The following RNLS variants were observed in gnomAD, a reference collection of about 807,000 sequenced individuals.
The protein encoded by RNLS is renalase, FAD dependent amine oxidase, also known as renalase.
A neutral mutation model predicts 39.8 loss-of-function variants in RNLS; 39 were observed. The ratio of observed to expected loss-of-function variants is 0.98; its 90% confidence interval spans 0.76 to 1.28. The LOEUF (loss-of-function observed/expected upper bound fraction) is 1.28. Ranked by LOEUF, RNLS falls within the 50% of genes most tolerant of loss-of-function variation. The pLI, the probability that RNLS is intolerant of heterozygous loss-of-function variation, is 0.00. For synonymous variants in RNLS, 147 were observed against 150.7 expected (o/e 0.98, Z 0.18); for missense variants, 410 against 413.3 (o/e 0.99, Z 0.07).
intron 5 of RNLS, among the ~76,000 whole-genome samples, chr10:88,347,181 G>A (rs1564714933): frequency 6.6e-6 from 1 of 152,146 alleles, no homozygotes; most frequent in Non-Finnish European, 1.5e-5. Context: ...GTTTTGAGAT[G>A]CCTCCAGAAT....
intron 4 of RNLS, among the ~76,000 whole-genome samples, chr10:88,461,078 C>A (rs926968017): frequency 2.0e-5 from 3 of 152,202 alleles, no homozygotes; most frequent in South Asian, 4.1e-4. Flanking sequence ...GCCCTGACCT[C>A]CTTCATCCTT....
intron 4 of RNLS, among the ~76,000 whole-genome samples, chr10:88,394,757 C>T (rs1265575052): frequency 3.9e-5 from 6 of 152,072 alleles, no homozygotes; most frequent in Admixed American, 6.6e-5. Context: ...ATGTTTATAG[C>T]GGCACTATTC....
At chr10:88,219,762 T>TA in the RNLS span, among the ~76,000 whole-genome samples, 8 of 152,280 alleles carry the variant, frequency 5.3e-5, no homozygotes, top group East Asian at 1.5e-3. Flanking sequence ...TGTTGAGATT[T>TA]AAAAAAATAA....
At chr10:88,488,660 G>A (rs140081738) in intron 4 of RNLS, among the ~76,000 whole-genome samples, 1 of 151,032 alleles carries the variant, frequency 6.6e-6, no homozygotes, top group African/African-American at 2.4e-5. Context: ...ATATGAGCAA[G>A]CAAAATGAAA....
intron 4 of RNLS, among the ~76,000 whole-genome samples, chr10:88,381,765 TTATA>T (rs1381163703): frequency 6.6e-6 from 1 of 152,050 alleles, no homozygotes; most frequent in African/African-American, 2.4e-5. Flanking sequence ...GAAATCTACT[TTATA>T]CTTAGTTACC....
chr10:88,418,595 GAAGA>G (rs34212358), intron 4 of RNLS, among the ~76,000 whole-genome samples: 87,124 of 151,434 alleles, frequency 0.58, 25,046 homozygotes, highest in African/African-American at 0.6. Flanking sequence ...AAAATATCCT[GAAGA>G]AATAGCTAAA....
chr10:88,501,990 T>G (rs909038119), intron 4 of RNLS, among the ~76,000 whole-genome samples: 2 of 152,060 alleles, frequency 1.3e-5, no homozygotes, highest in African/African-American at 4.8e-5. Context: ...AGTTTACAAG[T>G]TTCTGGAGGA....
At chr10:88,485,261 C>A (rs1305738310) in intron 4 of RNLS, among the ~76,000 whole-genome samples, 1 of 151,832 alleles carries the variant, frequency 6.6e-6, no homozygotes, top group East Asian at 1.9e-4. Flanking sequence ...GATGTTAAGA[C>A]AGACAATCAG....
chr10:88,460,087 G>A (rs1404330187), intron 4 of RNLS, among the ~76,000 whole-genome samples: 1 of 152,094 alleles, frequency 6.6e-6, no homozygotes, highest in Non-Finnish European at 1.5e-5. Flanking sequence ...CTTCAGACAG[G>A]TGAGTTTTTA....
the RNLS span, among the ~76,000 whole-genome samples, chr10:88,203,437 CGTGTGT>C: frequency 6.2e-3 from 14 of 2,260 alleles, no homozygotes; most frequent in East Asian, 0.062. Flanking sequence ...TATATATATA[CGTGTGT>C]GTGTGTGTGT....
chr10:88,408,076 C>A (rs952162138), intron 4 of RNLS, among the ~76,000 whole-genome samples: 1 of 152,036 alleles, frequency 6.6e-6, no homozygotes, highest in African/African-American at 2.4e-5. Context: ...TATATACATG[C>A]AATTATTAAA....
At chr10:88,479,084 C>A (rs1017448981) in intron 4 of RNLS, among the ~76,000 whole-genome samples, 2 of 152,146 alleles carry the variant, frequency 1.3e-5, no homozygotes, top group African/African-American at 4.8e-5. Context: ...GATCAACAAT[C>A]ATTTGCTAAA....
intron 4 of RNLS, among the ~76,000 whole-genome samples, chr10:88,571,048 G>C (rs779544971): frequency 6.7e-6 from 1 of 149,338 alleles, no homozygotes; most frequent in Non-Finnish European, 1.5e-5. Flanking sequence ...CAGTGGCACA[G>C]TCAGGGCCTA....
intron 4 of RNLS, among the ~76,000 whole-genome samples, chr10:88,384,579 C>T (rs577674124): frequency 6.6e-5 from 10 of 152,126 alleles, no homozygotes; most frequent in Non-Finnish European, 1.3e-4. Flanking sequence ...ATAGTACTGA[C>T]TATATCATAG....
the RNLS span, among the ~76,000 whole-genome samples, chr10:88,178,616 C>T: frequency 6.6e-6 from 1 of 152,210 alleles, no homozygotes; most frequent in East Asian, 1.9e-4. Context: ...ATTTCCATGC[C>T]TTAGAGGGTC....
chr10:88,466,442 T>C (rs771605863), intron 4 of RNLS, among the ~76,000 whole-genome samples: 26 of 152,168 alleles, frequency 1.7e-4, no homozygotes, highest in Non-Finnish European at 3.7e-4. Flanking sequence ...TGTCATGAAA[T>C]TGATCAATGT....
In RNLS at chr10:88,517,632, C is replaced by A. The variant is rs557000930; in HGVS notation, c.526+55271G>T. On this transcript the variant is annotated intron_variant, in intron 4 of 6. Transcript: ENST00000331772. ...ATTTATTCATCTAATATTTTTACTG[C>A]CAATTTTAAGATAATCTTTCAACAT... Among the ~76,000 whole-genome samples the A allele has an allele frequency of 2.6e-5, 4 of 151,824 alleles. No individual in the cohort carries two copies. The South Asian group carries it at 8.3e-4, about 31-fold the overall frequency.
chr10:88,198,565 A>G, the RNLS span, among the ~76,000 whole-genome samples: 1 of 152,008 alleles, frequency 6.6e-6, no homozygotes. Context: ...ATGTTGGAGG[A>G]GGGGCCTGAT....
At chr10:88,314,757 A>G (rs1316547481) in intron 5 of RNLS, 116 bp from the exon 6 acceptor site, 1 of 826,190 alleles carries the variant, frequency 1.2e-6, no homozygotes, top group Non-Finnish European at 1.8e-6. Context: ...TAAATGGAGG[A>G]AAAACTTATT....
Sources: gnomAD v4.1 joint callset for allele counts (sites outside exome capture counted in the v4.1 genomes callset) on GRCh38, gnomAD v4.1.1 for gene constraint, MANE v1.5 for transcripts, NCBI Gene and HGNC (gene_info 2026-07-23, HGNC 2026-07-21) for gene names.